Variants in COX7A2 observed in about 807,000 individuals in gnomAD.
COX7A2 encodes the protein cytochrome c oxidase subunit 7A2.
COX7A2 carries 11 observed loss-of-function variants against 11.6 expected under a neutral mutation model. The ratio of observed to expected loss-of-function variants is 0.95; its 90% CI spans 0.60 to 1.57. COX7A2 has a LOEUF of 1.57. Among genes scored for constraint, COX7A2 ranks in the 40% most tolerant of loss-of-function variants. The probability of loss-of-function intolerance (pLI) is 0.00; values close to 1 mark genes in which losing one functional copy is unlikely to be tolerated. For synonymous variants in COX7A2, 30 were observed against 38.2 expected (o/e 0.78, Z 0.79); for missense variants, 106 against 100.9 (o/e 1.05, Z -0.22).
At chr6:75,238,012 A>G in intron 3 of COX7A2, 24 bp from the exon 4 acceptor site, 2 of 1,480,620 alleles carry the variant, frequency 1.4e-6, no homozygotes, top group East Asian at 2.3e-5. Context: ...ACAAAAAAGA[A>G]CTTAACCATA....
At position 75,241,189 on chromosome 6, in the gene COX7A2, T is replaced by C. The variant is rs770435869; in HGVS notation, c.95A>G (p.Gln32Arg). 4 of 1,598,486 alleles carry C rather than the reference T, an allele frequency of 2.5e-6. No individual in the cohort carries two copies. In the Admixed American group the frequency reaches 5.0e-5, roughly 20 times the overall value. ...ATACTTCAGTACCTGGAACAGTTTT[T>C]GCTTCTCCGGAACTTTATTTTTAAA... ...RHFKNKVPEK[Q>R]KLFQEDDEIP... The change falls in exon 2 of 4, where the codon CAA becomes CGA. Residue 32 changes from glutamine (Q) to arginine (R), a missense_variant. Transcript: ENST00000684430.
chr6:75,245,095 T>G (rs1188133098), upstream of COX7A2, among the ~76,000 whole-genome samples: 2 of 152,224 alleles, frequency 1.3e-5, no homozygotes, highest in East Asian at 1.9e-4. Context: ...AGAGATGATG[T>G]GGATTTCTTA....
upstream of COX7A2, among the ~76,000 whole-genome samples, chr6:75,247,467 A>G (rs1168822648): frequency 6.6e-6 from 1 of 152,206 alleles, no homozygotes; most frequent in Non-Finnish European, 1.5e-5. Flanking sequence ...TAACATTTCA[A>G]TATAATTCCA....
chr6:75,243,925 C>T, upstream of COX7A2: 1 of 1,090,554 alleles, frequency 9.2e-7, no homozygotes, highest in Middle Eastern at 2.0e-4. Context: ...GCTCTATCCG[C>T]TCTAGCCGGC....
intron 1 of COX7A2, 41 bp downstream of exon 1, chr6:75,243,676 C>A (rs769964366): frequency 6.9e-6 from 11 of 1,594,420 alleles, no homozygotes; most frequent in Non-Finnish European, 1.7e-6. Flanking sequence ...CCTCTCCACT[C>A]CCTCGCCCCC....
chr6:75,240,352 C>CA lies in COX7A2; in HGVS notation c.141dup (p.Gly48TrpfsTer4). The CA allele has an allele frequency of 5.6e-6, 9 of 1,605,866 alleles. No individual in the cohort carries two copies. The highest frequency in any genetic ancestry group is 6.8e-6 in the Non-Finnish European group (8 of 1,177,090). ...CTATACAGGAGGGCATCAGCTACCCCACCCTTTAGATACAGTGGAATTTCA... is the reference window on the plus strand; with the variant it reads ...CTATACAGGAGGGCATCAGCTACCCCAACCCTTTAGATACAGTGGAATTTCA... On this transcript the variant is annotated frameshift_variant, in exon 3 of 4. Coordinates refer to ENST00000684430, the MANE Select transcript of COX7A2 (RefSeq NM_001366293.2). LOFTEE classifies it high-confidence loss of function.
At chr6:75,239,291 G>C (rs987742124) in intron 3 of COX7A2, among the ~76,000 whole-genome samples, 1 of 152,132 alleles carries the variant, frequency 6.6e-6, no homozygotes, top group African/African-American at 2.4e-5. Context: ...AGTAGATAGT[G>C]TGGAAACTGA....
Position 75,243,799 on chromosome 6 carries a change from A to C in COX7A2, c.-65T>G, listed in dbSNP as rs1189280426. On this transcript the variant is annotated 5_prime_UTR_variant, in exon 1 of 4. Transcript: ENST00000684430. ...CACCAACGAAAATGGCCACGCCGGA[A>C]CCGGAACTACCTCCGAGTCTTGCGT... is the stretch of plus-strand genomic sequence containing the variant. 1.2e-6 allele frequency: 2 copies of C among 1,614,114 alleles called. No homozygotes were observed. Among genetic ancestry groups the C allele is most frequent in the East Asian group, 4.5e-5 (2 of 44,868 alleles).
chr6:75,242,820 AAAAAAAAAAT>A (rs1299702801), intron 1 of COX7A2, among the ~76,000 whole-genome samples: 43 of 147,990 alleles, frequency 2.9e-4, no homozygotes, highest in Middle Eastern at 3.5e-3. Context: ...CTACGTCTCA[AAAAAAAAAAT>A]AAAATAAAAT....
chr6:75,243,284 C>A (rs751480488), intron 1 of COX7A2, among the ~76,000 whole-genome samples: 2 of 152,166 alleles, frequency 1.3e-5, no homozygotes, highest in Non-Finnish European at 2.9e-5. Flanking sequence ...TTTTAAACTG[C>A]CTTCTCAAGC....
At position 75,241,177 on chromosome 6, in the gene COX7A2, TG is replaced by T; in HGVS notation, c.106del (p.Gln36ArgfsTer10). On this transcript the variant is annotated frameshift_variant and splice_region_variant, in exon 2 of 4. Transcript: ENST00000684430. LOFTEE classifies it high-confidence loss of function. ...ATCTCCTATAAAATACTTCAGTACCTGGAACAGTTTTTGCTTCTCCGGAACT... is the reference window on the plus strand; with the variant it reads ...ATCTCCTATAAAATACTTCAGTACCTGAACAGTTTTTGCTTCTCCGGAACT... ...NKVPEKQKLF[Q>X]EDDEIPLYLK... The T allele has an allele frequency of 6.3e-7, 1 of 1,599,360 alleles. No homozygotes were observed. The highest frequency in any genetic ancestry group is 2.2e-5 in the East Asian group (1 of 44,698).
chr6:75,239,001 G>C (rs1771408071), intron 3 of COX7A2, among the ~76,000 whole-genome samples: 1 of 152,064 alleles, frequency 6.6e-6, no homozygotes, highest in South Asian at 2.1e-4. Flanking sequence ...TTTTAGTACA[G>C]ACAGGGTTTC....
chr6:75,245,035 C>CT (rs1771649801), upstream of COX7A2, among the ~76,000 whole-genome samples: 1 of 152,204 alleles, frequency 6.6e-6, no homozygotes, highest in South Asian at 2.1e-4. Flanking sequence ...TATGTGCTCT[C>CT]TTATGTTTTC....
chr6:75,243,786 T>C lies in COX7A2; in HGVS notation c.-52A>G, dbSNP rs776425585. 4.2e-5 allele frequency: 67 copies of C among 1,613,962 alleles called. No individual in the cohort carries two copies. In the East Asian group the frequency reaches 7.1e-4, roughly 17 times the overall value. On this transcript the variant is annotated 5_prime_UTR_variant, in exon 1 of 4. Coordinates refer to ENST00000684430, the MANE Select transcript of COX7A2 (RefSeq NM_001366293.2). ...CACAACTGAACACCACCAACGAAAA[T>C]GGCCACGCCGGAACCGGAACTACCT...
At chr6:75,243,607 C>A in intron 1 of COX7A2, 110 bp downstream of exon 1, 1 of 983,720 alleles carries the variant, frequency 1.0e-6, no homozygotes, top group East Asian at 2.4e-5. Context: ...AAGGTGACTT[C>A]ATTAGCCGCC....
upstream of COX7A2, among the ~76,000 whole-genome samples, chr6:75,246,275 C>T (rs1464741368): frequency 1.3e-5 from 2 of 152,100 alleles, no homozygotes; most frequent in Non-Finnish European, 2.9e-5. Context: ...CTCCTTATTC[C>T]CCAACTTTCT....
Position 75,243,719 on chromosome 6 carries a change from G to A in COX7A2, c.16C>T (p.Leu6=), listed in dbSNP as rs559248838. MLRNL[L]ALRQIGQRTI... The stretch of plus-strand genomic sequence containing the variant: ...ATGCAAGATGAGAAGCTCCTCACCA[G>A]CAGATTCCGCAGCATCTTGGCTGTT... The change falls in exon 1 of 4, where the codon CTG becomes TTG. Residue 6 remains leucine, a splice_region_variant and synonymous_variant. Transcript: ENST00000684430. 197 of 1,613,454 alleles carry A rather than the reference G, an allele frequency of 1.2e-4. No homozygotes were observed. The highest frequency in any genetic ancestry group is 1.5e-4 in the Non-Finnish European group (175 of 1,179,554).
intron 1 of COX7A2, 22 bp from the exon 2 acceptor site, chr6:75,241,287 ATAGACT>A: frequency 6.7e-7 from 1 of 1,502,856 alleles, no homozygotes; most frequent in South Asian, 1.3e-5. Context: ...ATATTATTAA[ATAGACT>A]TAGAGCCTAA....
chr6:75,242,810 C>T (rs1381011873), intron 1 of COX7A2, among the ~76,000 whole-genome samples: 2 of 150,982 alleles, frequency 1.3e-5, no homozygotes, highest in Non-Finnish European at 2.9e-5. Context: ...CAGAGTGAGA[C>T]TACGTCTCAA....
Sources: allele counts gnomAD v4.1 joint callset (sites outside exome capture counted in the v4.1 genomes callset), GRCh38; gene constraint gnomAD v4.1.1; transcripts MANE v1.5; gene names NCBI Gene and HGNC (gene_info 2026-07-23, HGNC 2026-07-21).